Variants in PTPN4 observed in about 807,000 individuals in gnomAD.
PTPN4 encodes the protein protein tyrosine phosphatase non-receptor type 4, also known as tyrosine-protein phosphatase non-receptor type 4.
Under a neutral mutation model 135.5 loss-of-function variants are expected in PTPN4, and 49 were observed. The ratio of observed to expected loss-of-function variants is 0.36; its 90% CI spans 0.29 to 0.46. PTPN4 has a LOEUF of 0.46. PTPN4 is among the 20% of genes least tolerant of loss of function. The pLI, the probability that PTPN4 is intolerant of heterozygous loss-of-function variation, is 1.00. For missense variants in PTPN4, 860 were observed against 1,101.0 expected (o/e 0.78, Z 3.10); for synonymous variants, 333 against 369.9 (o/e 0.90, Z 1.14).
At chr2:119,763,758 C>T (rs969161863) in intron 1 of PTPN4, among the ~76,000 whole-genome samples, 15 of 152,034 alleles carry the variant, frequency 9.9e-5, no homozygotes, top group Admixed American at 3.3e-4. Context: ...TAAAATGTGA[C>T]GAGTGTGTCT....
intron 15 of PTPN4, among the ~76,000 whole-genome samples, chr2:119,936,979 T>A (rs1156272122): frequency 2.0e-5 from 3 of 152,240 alleles, no homozygotes; most frequent in African/African-American, 7.2e-5. Context: ...ACTTACTTAG[T>A]TGCTTACAGT....
chr2:119,772,293 C>T (rs1283120341), intron 1 of PTPN4, among the ~76,000 whole-genome samples: 1 of 152,192 alleles, frequency 6.6e-6, no homozygotes, highest in African/African-American at 2.4e-5. Context: ...GATTCTGATA[C>T]TGTGACTCAT....
intron 8 of PTPN4, among the ~76,000 whole-genome samples, chr2:119,883,984 C>G (rs1169571702): frequency 6.6e-6 from 1 of 152,240 alleles, no homozygotes; most frequent in Non-Finnish European, 1.5e-5. Context: ...ACTGCAAGCT[C>G]CGCCTCCCGG....
intron 3 of PTPN4, among the ~76,000 whole-genome samples, chr2:119,874,093 T>C (rs1677951991): frequency 6.6e-6 from 1 of 152,176 alleles, no homozygotes; most frequent in African/African-American, 2.4e-5. Context: ...CCAAATATGG[T>C]ATAGCTATAC....
intron 13 of PTPN4, among the ~76,000 whole-genome samples, chr2:119,928,521 C>G (rs1678856316): frequency 6.6e-6 from 1 of 151,990 alleles, no homozygotes; most frequent in Admixed American, 6.6e-5. Context: ...AAAATTTGCA[C>G]TGCAATATGA....
intron 2 of PTPN4, among the ~76,000 whole-genome samples, chr2:119,844,709 G>A (rs1677458746): frequency 6.7e-6 from 1 of 150,062 alleles, no homozygotes; most frequent in East Asian, 2.0e-4. Context: ...GCTGGGAAGA[G>A]GCGCTCCTCA....
chr2:119,817,709 A>G (rs987270592), intron 2 of PTPN4, among the ~76,000 whole-genome samples: 1 of 152,140 alleles, frequency 6.6e-6, no homozygotes, highest in Non-Finnish European at 1.5e-5. Flanking sequence ...AAGAATGTCA[A>G]TGGTAGTTTA....
At position 119,763,893 on chromosome 2, in the gene PTPN4, G is replaced by C. The variant is rs75694265; in HGVS notation, c.-18+3509G>C. Among the ~76,000 whole-genome samples, 730 of 152,272 alleles carry C rather than the reference G, an allele frequency of 4.8e-3. 2 individuals are homozygous for C. The highest frequency in any genetic ancestry group is 8.5e-3 in the Non-Finnish European group (579 of 68,014). The stretch of plus-strand genomic sequence containing the variant: ...GACTGCTTAGAAAATCTGAGTTGTA[G>C]TATTTAATCTTCCACTGGTTTATGC... On this transcript the variant is annotated intron_variant, in intron 1 of 26. Coordinates refer to ENST00000263708, the MANE Select transcript of PTPN4 (RefSeq NM_002830.4).
chr2:119,926,554 A>G (rs765826271), intron 12 of PTPN4, 44 bp from the exon 13 acceptor site: 33 of 1,329,330 alleles, frequency 2.5e-5, no homozygotes, highest in Non-Finnish European at 3.5e-5. Flanking sequence ...TTTATCTTAT[A>G]GTTCTCTTAA....
At chr2:119,880,413 C>G (rs569751749) in intron 5 of PTPN4, among the ~76,000 whole-genome samples, 4 of 151,774 alleles carry the variant, frequency 2.6e-5, no homozygotes, top group African/African-American at 7.3e-5. Flanking sequence ...TTACCAGGAA[C>G]CTTTAACTTT....
chr2:119,909,730 A>G (rs973419658), intron 10 of PTPN4, among the ~76,000 whole-genome samples: 1 of 152,216 alleles, frequency 6.6e-6, no homozygotes, highest in Non-Finnish European at 1.5e-5. Context: ...GAGAACATTC[A>G]TGATTCATGG....
chr2:119,923,814 C>A (rs1361292635), intron 12 of PTPN4, among the ~76,000 whole-genome samples: 1 of 151,966 alleles, frequency 6.6e-6, no homozygotes, highest in African/African-American at 2.4e-5. Flanking sequence ...ATGGTATAAA[C>A]TTTGCCAAAG....
chr2:119,946,801 C>T (rs1679141514), intron 18 of PTPN4: 1 of 436,192 alleles, frequency 2.3e-6, no homozygotes, highest in Non-Finnish European at 4.0e-6. Flanking sequence ...ACTTTCATTG[C>T]TTCTAAAGCA....
chr2:119,900,116 C>T (rs1291758757), intron 9 of PTPN4, among the ~76,000 whole-genome samples: 1 of 152,018 alleles, frequency 6.6e-6, no homozygotes, highest in Non-Finnish European at 1.5e-5. Flanking sequence ...CAAATTGGGT[C>T]ATTTAGTTTG....
chr2:119,803,393 G>T (rs1476544827), intron 1 of PTPN4, among the ~76,000 whole-genome samples: 1 of 152,096 alleles, frequency 6.6e-6, no homozygotes, highest in Non-Finnish European at 1.5e-5. Context: ...TATTCAATCA[G>T]TGTATCTTGA....
chr2:119,860,239 G>T (rs1362179035), intron 2 of PTPN4, among the ~76,000 whole-genome samples: 1 of 152,178 alleles, frequency 6.6e-6, no homozygotes, highest in African/African-American at 2.4e-5. Flanking sequence ...ACATTTGCAG[G>T]CGATTTAAAT....
At chr2:119,904,592 C>T (rs1574397390) in intron 10 of PTPN4, among the ~76,000 whole-genome samples, 1 of 152,136 alleles carries the variant, frequency 6.6e-6, no homozygotes, top group Non-Finnish European at 1.5e-5. Context: ...TCCTCCAAGG[C>T]ACTTCATAGT....
Position 119,976,244 on chromosome 2 carries a change from A to G in PTPN4, c.2695-740A>G, listed in dbSNP as rs984744882. 2.6e-5 allele frequency among the ~76,000 whole-genome samples: 4 copies of G among 151,984 alleles called. No homozygotes were observed. The East Asian group carries it at 7.7e-4, about 29-fold the overall frequency. ...GATCTCCTGACCTCGTGATCCACCC[A>G]CCTTGGCCTCCCAAAGTGCTGGGAT... On this transcript the variant is annotated intron_variant, in intron 26 of 26. Transcript: ENST00000263708.
chr2:119,836,455 C>T (rs10177641), intron 2 of PTPN4, among the ~76,000 whole-genome samples: 44,451 of 152,180 alleles, frequency 0.29, 6,693 homozygotes, highest in African/African-American at 0.35. Context: ...TTAGTGATGG[C>T]AGTGGCAGCC....
Sources: allele counts gnomAD v4.1 joint callset (sites outside exome capture counted in the v4.1 genomes callset), GRCh38; gene constraint gnomAD v4.1.1; transcripts MANE v1.5; gene names NCBI Gene and HGNC (gene_info 2026-07-23, HGNC 2026-07-21).